Variants in EYS observed in about 807,000 individuals in gnomAD.
The protein encoded by EYS is EGF-like photoreceptor maintenance factor.
A neutral mutation model predicts 282.1 loss-of-function variants in EYS; 250 were observed. The observed-to-expected ratio is 0.89, with a 90% CI of 0.80 to 0.98. EYS has a LOEUF of 0.98. Ranked by LOEUF, EYS falls within the 50% of genes least tolerant of loss-of-function variation. The pLI is 0.00. For synonymous variants in EYS, 1,355 were observed against 1,282.9 expected (o/e 1.06, Z -1.20); for missense variants, 4,016 against 3,709.0 (o/e 1.08, Z -2.15).
At chr6:64,729,728 C>T (rs1051176695) in intron 22 of EYS, among the ~76,000 whole-genome samples, 3 of 149,016 alleles carry the variant, frequency 2.0e-5, no homozygotes, top group South Asian at 2.2e-4. Flanking sequence ...TTGCACCAAC[C>T]TAATACATGC....
chr6:65,518,079 A>C (rs1767209959), intron 2 of EYS, among the ~76,000 whole-genome samples: 1 of 152,108 alleles, frequency 6.6e-6, no homozygotes, highest in South Asian at 2.1e-4. Context: ...AAGAGGTAAC[A>C]TTATTACCTC....
intron 14 of EYS, among the ~76,000 whole-genome samples, chr6:64,986,448 C>T (rs1770860209): frequency 6.6e-6 from 1 of 150,634 alleles, no homozygotes; most frequent in African/African-American, 2.4e-5. Context: ...ACTTGACTGC[C>T]TTGAATTATT....
chr6:64,200,795 C>T (rs919856299), intron 31 of EYS, among the ~76,000 whole-genome samples: 9 of 152,112 alleles, frequency 5.9e-5, no homozygotes, highest in Non-Finnish European at 1.0e-4. Flanking sequence ...TTTAAGAGGT[C>T]CACTCCCTCA....
chr6:65,414,995 G>T (rs768135202), intron 5 of EYS, among the ~76,000 whole-genome samples: 1 of 152,040 alleles, frequency 6.6e-6, no homozygotes, highest in Non-Finnish European at 1.5e-5. Flanking sequence ...AACCAAGGAA[G>T]GGGGAATGTA....
Position 65,439,749 on chromosome 6 carries a change from C to T in EYS, c.863-34382G>A, listed in dbSNP as rs1029409837. On this transcript the variant is annotated intron_variant, in intron 5 of 42. Coordinates refer to ENST00000503581, the MANE Select transcript of EYS (RefSeq NM_001142800.2). ...GCTTATCAGGTTAAGGACATTTGCT[C>T]TTATGTGTGTCCTCACAATTTCAAC... Among the ~76,000 whole-genome samples, 43 of 151,712 alleles carry T rather than the reference C, an allele frequency of 2.8e-4. 1 individual carries two copies. Among genetic ancestry groups the T allele is most frequent in the African/African-American group, 9.4e-4 (39 of 41,376 alleles).
At chr6:64,034,484 C>T (rs1166769595) in intron 33 of EYS, among the ~76,000 whole-genome samples, 3 of 152,174 alleles carry the variant, frequency 2.0e-5, no homozygotes, top group Non-Finnish European at 4.4e-5. Context: ...CAGCCTGGCC[C>T]TGAGTCTGCA....
At chr6:65,164,744 G>A (rs563922904) in intron 12 of EYS, among the ~76,000 whole-genome samples, 3 of 151,154 alleles carry the variant, frequency 2.0e-5, no homozygotes, top group African/African-American at 7.3e-5. Context: ...TGGTTACTTC[G>A]GAGTGCTGTG....
intron 12 of EYS, among the ~76,000 whole-genome samples, chr6:65,170,411 A>G (rs1174856439): frequency 6.6e-6 from 1 of 151,576 alleles, no homozygotes; most frequent in Non-Finnish European, 1.5e-5. Flanking sequence ...CTTGACCACA[A>G]AAAGACGTAC....
chr6:64,134,651 C>G (rs1342474768), intron 31 of EYS, among the ~76,000 whole-genome samples: 1 of 151,852 alleles, frequency 6.6e-6, no homozygotes, highest in South Asian at 2.1e-4. Flanking sequence ...GGGAAGCAAG[C>G]AATAGAAAGA....
At chr6:64,659,451 G>A (rs921329290) in intron 22 of EYS, among the ~76,000 whole-genome samples, 1 of 151,914 alleles carries the variant, frequency 6.6e-6, no homozygotes, top group Non-Finnish European at 1.5e-5. Context: ...CCAGGAGCTG[G>A]TTTTTTGAAA....
chr6:65,454,712 C>T (rs1347146713), intron 5 of EYS, among the ~76,000 whole-genome samples: 1 of 151,960 alleles, frequency 6.6e-6, no homozygotes, highest in Non-Finnish European at 1.5e-5. Context: ...TAGTATCATT[C>T]TTCTTCATGT....
chr6:64,587,612 C>A (rs531914471), intron 26 of EYS, among the ~76,000 whole-genome samples: 1 of 152,034 alleles, frequency 6.6e-6, no homozygotes, highest in East Asian at 1.9e-4. Context: ...GTTAGGTGTA[C>A]AAGAGTGAAC....
At chr6:65,058,745 A>G (rs1181873414) in intron 12 of EYS, among the ~76,000 whole-genome samples, 1 of 150,834 alleles carries the variant, frequency 6.6e-6, no homozygotes, top group East Asian at 2.0e-4. Flanking sequence ...TTCTTATTAT[A>G]CCACTTAGAT....
At chr6:63,753,808 G>T (rs1471308306) in intron 41 of EYS, among the ~76,000 whole-genome samples, 2 of 152,078 alleles carry the variant, frequency 1.3e-5, no homozygotes, top group African/African-American at 4.8e-5. Flanking sequence ...GACCTTATCT[G>T]CTAGAAATGT....
intron 39 of EYS, among the ~76,000 whole-genome samples, chr6:63,782,732 T>G (rs1770264441): frequency 6.6e-6 from 1 of 152,158 alleles, no homozygotes; most frequent in Non-Finnish European, 1.5e-5. Context: ...TTGAAGGGGT[T>G]TTTGTGTCTC....
At chr6:65,090,703 A>T (rs77804023) in intron 12 of EYS, among the ~76,000 whole-genome samples, 1,962 of 152,284 alleles carry the variant, frequency 0.013, 109 homozygotes, top group Admixed American at 0.11. Flanking sequence ...AAGAAATTAT[A>T]GTACAGGGAT....
At chr6:64,312,625 G>A (rs1013307513) in intron 29 of EYS, among the ~76,000 whole-genome samples, 1 of 152,168 alleles carries the variant, frequency 6.6e-6, no homozygotes, top group African/African-American at 2.4e-5. Context: ...ATCTCATATA[G>A]GCGAGCTCTG....
At position 65,617,805 on chromosome 6, in the gene EYS, T is replaced by C. The variant is rs565008128; in HGVS notation, c.-333+21973A>G. Among the ~76,000 whole-genome samples, 3 of 151,468 alleles carry C rather than the reference T, an allele frequency of 2.0e-5. No individual in the cohort carries two copies. In the South Asian group the frequency reaches 6.3e-4, roughly 32 times the overall value. On this transcript the variant is annotated intron_variant, in intron 2 of 42. Transcript: ENST00000503581. ...CCAATGAGTGAGAATATGTGGTGTT[T>C]GGTTTTTTGCACTTGCAATAGTTTG...
intron 39 of EYS, among the ~76,000 whole-genome samples, chr6:63,782,561 A>G (rs1770258315): frequency 6.6e-6 from 1 of 152,128 alleles, no homozygotes; most frequent in Admixed American, 6.6e-5. Context: ...GTATTCGCTG[A>G]TGGTAGTTGG....
Sources: gnomAD v4.1 joint callset for allele counts (sites outside exome capture counted in the v4.1 genomes callset) on GRCh38, gnomAD v4.1.1 for gene constraint, MANE v1.5 for transcripts, NCBI Gene and HGNC (gene_info 2026-07-23, HGNC 2026-07-21) for gene names.